ENTREP2: variants seen among roughly 807,000 people sequenced by gnomAD.
ENTREP2 encodes endosomal transmembrane epsin interactor 2.
At chr15:29,128,057 G>A in the ENTREP2 span, among the ~76,000 whole-genome samples, 1 of 152,218 alleles carries the variant, frequency 6.6e-6, no homozygotes, top group Non-Finnish European at 1.5e-5. Flanking sequence ...CTGAGTGAGT[G>A]TTCAGCAGGG....
chr15:29,659,943 T>G, the ENTREP2 span, among the ~76,000 whole-genome samples: 1 of 151,888 alleles, frequency 6.6e-6, no homozygotes, highest in African/African-American at 2.4e-5. Flanking sequence ...GGATTACAGG[T>G]GTGCACCACC....
the ENTREP2 span, among the ~76,000 whole-genome samples, chr15:29,409,632 CTT>C: frequency 9.9e-4 from 146 of 147,028 alleles, no homozygotes; most frequent in Non-Finnish European, 8.5e-4. Flanking sequence ...GCCTATTTTT[CTT>C]TTTTTTTTTT....
chr15:29,333,041 G>C, the ENTREP2 span, among the ~76,000 whole-genome samples: 1 of 151,970 alleles, frequency 6.6e-6, no homozygotes, highest in African/African-American at 2.4e-5. Context: ...GAGCACATGG[G>C]GCTAGATAGG....
At chr15:29,638,639 G>A in the ENTREP2 span, among the ~76,000 whole-genome samples, 1 of 152,196 alleles carries the variant, frequency 6.6e-6, no homozygotes, top group Admixed American at 6.5e-5. Flanking sequence ...CAGTTTAGGA[G>A]GCTGAAGCAG....
chr15:29,545,544 CTTTG>C, the ENTREP2 span, among the ~76,000 whole-genome samples: 2 of 152,130 alleles, frequency 1.3e-5, no homozygotes, highest in Non-Finnish European at 2.9e-5. Flanking sequence ...TTTATGAAAG[CTTTG>C]TTTATTATAG....
the ENTREP2 span, among the ~76,000 whole-genome samples, chr15:29,146,384 C>T: frequency 0.036 from 5,528 of 152,230 alleles, 314 homozygotes; most frequent in African/African-American, 0.12. Context: ...AGGGCTCACA[C>T]GTCCACACGT....
At chr15:29,248,184 G>C in the ENTREP2 span, among the ~76,000 whole-genome samples, 1 of 152,110 alleles carries the variant, frequency 6.6e-6, no homozygotes, top group Non-Finnish European at 1.5e-5. Flanking sequence ...AAACTGTTTA[G>C]AGAGAAAAAG....
chr15:29,599,525 G>A, the ENTREP2 span, among the ~76,000 whole-genome samples: 1 of 152,204 alleles, frequency 6.6e-6, no homozygotes, highest in African/African-American at 2.4e-5. Context: ...TCAGGTTCCT[G>A]GGTCCACTAC....
chr15:29,214,502 C>T, the ENTREP2 span, among the ~76,000 whole-genome samples: 1 of 152,112 alleles, frequency 6.6e-6, no homozygotes, highest in Non-Finnish European at 1.5e-5. Context: ...AACACTTGGA[C>T]ACAGGAAGGG....
the ENTREP2 span, chr15:29,570,502 C>T: frequency 7.4e-7 from 1 of 1,360,316 alleles, no homozygotes. Context: ...CGCGGACACT[C>T]ACCGAGAAGC....
chr15:29,237,697 G>A, the ENTREP2 span, among the ~76,000 whole-genome samples: 3 of 152,166 alleles, frequency 2.0e-5, no homozygotes, highest in East Asian at 1.9e-4. Context: ...GAACCCTCAC[G>A]CGTTGCTGCT....
At chr15:29,296,553 A>C in the ENTREP2 span, among the ~76,000 whole-genome samples, 2 of 152,226 alleles carry the variant, frequency 1.3e-5, no homozygotes, top group South Asian at 4.1e-4. Context: ...AGCAAAGTAA[A>C]AACTCTGAAA....
At chr15:29,266,262 A>T in the ENTREP2 span, 1 of 152,274 alleles carries the variant, frequency 6.6e-6, no homozygotes, top group Non-Finnish European at 1.5e-5. Flanking sequence ...ACTGTACCAG[A>T]ATGGCTGAAA....
the ENTREP2 span, among the ~76,000 whole-genome samples, chr15:29,312,945 A>G: frequency 6.6e-6 from 1 of 152,238 alleles, no homozygotes; most frequent in Non-Finnish European, 1.5e-5. Context: ...AATGCAAAGG[A>G]AAAGTTCTCG....
At chr15:29,584,019 G>GA in the ENTREP2 span, among the ~76,000 whole-genome samples, 20 of 151,574 alleles carry the variant, frequency 1.3e-4, no homozygotes, top group East Asian at 5.8e-4. Context: ...AGCAACCAAA[G>GA]AAAAAAATAG....
At chr15:29,567,914 G>GCC in the ENTREP2 span, among the ~76,000 whole-genome samples, 1 of 152,118 alleles carries the variant, frequency 6.6e-6, no homozygotes, top group Non-Finnish European at 1.5e-5. Flanking sequence ...CCAGAGGGCA[G>GCC]CCCTAAGCCC....
the ENTREP2 span, among the ~76,000 whole-genome samples, chr15:29,628,477 T>C: frequency 6.6e-6 from 1 of 152,230 alleles, no homozygotes; most frequent in Non-Finnish European, 1.5e-5. Flanking sequence ...TTGAAAAGAA[T>C]GTATACTATG....
chr15:29,379,013 T>C, the ENTREP2 span, among the ~76,000 whole-genome samples: 33 of 152,130 alleles, frequency 2.2e-4, no homozygotes, highest in African/African-American at 8.0e-4. Flanking sequence ...ACTGTTGTGG[T>C]CAACACAGCA....
At chr15:29,452,936 A>C in the ENTREP2 span, 1 of 152,378 alleles carries the variant, frequency 6.6e-6, no homozygotes, top group Non-Finnish European at 1.5e-5. Flanking sequence ...CAGGACAAGC[A>C]GGCAGAAATG....
Sources: gnomAD v4.1 joint callset for allele counts (sites outside exome capture counted in the v4.1 genomes callset) on GRCh38, gnomAD v4.1.1 for gene constraint, MANE v1.5 for transcripts, NCBI Gene and HGNC (gene_info 2026-07-23, HGNC 2026-07-21) for gene names.